DYM: variants seen among roughly 807,000 people sequenced by gnomAD.
DYM encodes dyggve-Melchior-Clausen syndrome protein.
DYM carries 78 observed loss-of-function variants against 93.1 expected under a neutral mutation model. The ratio of observed to expected loss-of-function variants is 0.84; its 90% confidence interval spans 0.70 to 1.01. The LOEUF is 1.01. Ranked by LOEUF, DYM falls within the 50% of genes least tolerant of loss-of-function variation. The pLI is 0.00. For synonymous variants in DYM, 321 were observed against 319.7 expected, an observed-to-expected ratio of 1.00 and a Z score of -0.04; for missense variants, 789 against 845.0, an observed-to-expected ratio of 0.93 and a Z score of 0.82.
At chr18:49,192,620 C>T (rs2091084687) in intron 14 of DYM, among the ~76,000 whole-genome samples, 1 of 152,106 alleles carries the variant, frequency 6.6e-6, no homozygotes, top group Non-Finnish European at 1.5e-5. Context: ...TACCCTGTTC[C>T]ACTGGTCAAT....
intron 2 of DYM, among the ~76,000 whole-genome samples, chr18:49,399,442 A>T (rs1400097854): frequency 6.6e-6 from 1 of 152,200 alleles, no homozygotes; most frequent in African/African-American, 2.4e-5. Context: ...TACCAAGTTC[A>T]GTCTCTCCAT....
chr18:49,246,579 T>C (rs2094173479), intron 13 of DYM, among the ~76,000 whole-genome samples: 1 of 152,220 alleles, frequency 6.6e-6, no homozygotes, highest in Non-Finnish European at 1.5e-5. Context: ...TCTGCAACAG[T>C]GTTCACTTGG....
At position 49,331,973 on chromosome 18, in the gene DYM, T is replaced by C. The variant is rs752441707; in HGVS notation, c.654A>G (p.Leu218=). Residue 218 remains leucine (L), a synonymous_variant, in exon 8 of 18, where the codon TTA becomes TTG. Coordinates refer to ENST00000675505, the MANE Select transcript of DYM (RefSeq NM_001353214.3). ...LPYTSKLVKT[L]LYNFIRQEKP... is the part of the protein sequence containing the mutation. The stretch of plus-strand genomic sequence containing the variant: ...TTTCTTGTCTGATAAAGTTATATAA[T>C]AAGGTCTTCACAAGTTTGCTGGTGT... 8 of 1,613,950 alleles carry C rather than the reference T, an allele frequency of 5.0e-6. No homozygotes were observed. The highest frequency in any genetic ancestry group is 6.8e-6 in the Non-Finnish European group (8 of 1,179,956).
chr18:49,056,745 C>T (rs866140355), intron 17 of DYM, among the ~76,000 whole-genome samples: 10 of 150,652 alleles, frequency 6.6e-5, no homozygotes, highest in South Asian at 2.1e-4. Flanking sequence ...GACGGGGTTT[C>T]ACCATGTTAG....
chr18:49,371,318 A>G (rs2147528279), intron 5 of DYM, among the ~76,000 whole-genome samples: 1 of 152,300 alleles, frequency 6.6e-6, no homozygotes, highest in Non-Finnish European at 1.5e-5. Context: ...TGGGCAACAT[A>G]GTGAGACCCC....
At chr18:49,248,341 T>C (rs931547755) in intron 13 of DYM, among the ~76,000 whole-genome samples, 6 of 152,212 alleles carry the variant, frequency 3.9e-5, no homozygotes, top group African/African-American at 1.4e-4. Flanking sequence ...AGAGATGTTA[T>C]CCAGATTTAT....
intron 1 of DYM, 114 bp from the exon 2 acceptor site, chr18:49,430,561 A>G: frequency 1.2e-6 from 1 of 837,422 alleles, no homozygotes; most frequent in Non-Finnish European, 1.8e-6. Flanking sequence ...GTATTTATAA[A>G]TATATTAGAC....
At chr18:49,266,149 AGAAAGAGAT>A (rs2094567485) in intron 11 of DYM, among the ~76,000 whole-genome samples, 1 of 152,180 alleles carries the variant, frequency 6.6e-6, no homozygotes, top group Non-Finnish European at 1.5e-5. Flanking sequence ...AAAAATTGGA[AGAAAGAGAT>A]GAAAAGAAGT....
At chr18:49,101,126 T>TTGTA (rs1376635459) in intron 16 of DYM, among the ~76,000 whole-genome samples, 1 of 152,210 alleles carries the variant, frequency 6.6e-6, no homozygotes, top group Non-Finnish European at 1.5e-5. Context: ...TTTTATCCAT[T>TTGTA]TGTATAGCAA....
chr18:49,166,603 C>CAA (rs573510017), intron 14 of DYM, among the ~76,000 whole-genome samples: 2 of 122,806 alleles, frequency 1.6e-5, no homozygotes. Flanking sequence ...GCAGGAGATG[C>CAA]AAAAAAAAAA....
At chr18:49,111,324 T>C (rs1460944024) in intron 16 of DYM, among the ~76,000 whole-genome samples, 1 of 152,200 alleles carries the variant, frequency 6.6e-6, no homozygotes, top group Non-Finnish European at 1.5e-5. Context: ...TCTTTGAAAC[T>C]GATAAATCAT....
At chr18:49,308,937 T>C (rs1346537027) in intron 8 of DYM, among the ~76,000 whole-genome samples, 1 of 152,156 alleles carries the variant, frequency 6.6e-6, no homozygotes, top group East Asian at 1.9e-4. Context: ...GAAGGCTAAA[T>C]AAACTTGGGT....
rs1413598337 is a variant in DYM, at chr18:49,327,478, TC to T, written c.763+4385del. The stretch of plus-strand genomic sequence containing the variant: ...CTCAAGCGAACTACCCACTTCAGAC[TC>T]CTAAGTAGCGGGGTCTGCAGGCGCG... On this transcript the variant is annotated intron_variant, in intron 8 of 17. Coordinates refer to ENST00000675505, the MANE Select transcript of DYM (RefSeq NM_001353214.3). Among the ~76,000 whole-genome samples, 7 of 152,002 alleles carry T rather than the reference TC, an allele frequency of 4.6e-5. No homozygotes were observed. The East Asian group carries it at 1.4e-3, about 29-fold the overall frequency.
intron 4 of DYM, 32 bp from the exon 5 acceptor site, chr18:49,378,732 A>G (rs1161594374): frequency 1.9e-6 from 3 of 1,608,026 alleles, no homozygotes; most frequent in Admixed American, 3.3e-5. Context: ...AAGAATCAAT[A>G]TTTAAACATA....
At chr18:49,178,976 A>G (rs1193559261) in intron 14 of DYM, among the ~76,000 whole-genome samples, 1 of 151,640 alleles carries the variant, frequency 6.6e-6, no homozygotes, top group African/African-American at 2.4e-5. Flanking sequence ...CTGCTGGCTC[A>G]AAAGCTACAG....
At chr18:49,286,282 T>C in intron 9 of DYM, 152 bp downstream of exon 9, 4 of 848,462 alleles carry the variant, frequency 4.7e-6, no homozygotes, top group Non-Finnish European at 7.8e-6. Context: ...TTCCTGATAA[T>C]ATTGACAGGA....
At chr18:49,423,273 A>T (rs2148370755) in intron 2 of DYM, among the ~76,000 whole-genome samples, 1 of 152,330 alleles carries the variant, frequency 6.6e-6, no homozygotes, top group South Asian at 2.1e-4. Context: ...TGGAAACTGA[A>T]CAACCTGCTC....
intron 6 of DYM, among the ~76,000 whole-genome samples, chr18:49,344,847 A>G (rs2064449571): frequency 6.6e-6 from 1 of 152,206 alleles, no homozygotes; most frequent in South Asian, 2.1e-4. Flanking sequence ...TTCATTGGGT[A>G]TCTACTATAA....
intron 17 of DYM, among the ~76,000 whole-genome samples, chr18:49,055,446 T>C (rs2075392389): frequency 6.6e-6 from 1 of 152,216 alleles, no homozygotes; most frequent in Non-Finnish European, 1.5e-5. Flanking sequence ...AACTGCCTGA[T>C]GCAAATCAAT....
Sources: allele counts gnomAD v4.1 joint callset (sites outside exome capture counted in the v4.1 genomes callset), GRCh38; gene constraint gnomAD v4.1.1; transcripts MANE v1.5; gene names NCBI Gene and HGNC (gene_info 2026-07-23, HGNC 2026-07-21).